Variants in COX7B2 observed in about 807,000 individuals in gnomAD.
COX7B2 encodes the protein cytochrome c oxidase subunit 7B2.
For synonymous variants in COX7B2, 37 were observed against 32.1 expected (o/e 1.15, Z -0.51); for missense variants, 109 against 95.9 (o/e 1.14, Z -0.57).
intron 2 of COX7B2, among the ~76,000 whole-genome samples, chr4:46,839,979 C>A (rs1040268566): frequency 6.6e-6 from 1 of 152,014 alleles, no homozygotes; most frequent in Non-Finnish European, 1.5e-5. Flanking sequence ...GGAACTGAGA[C>A]AATTGATGCA....
At chr4:46,781,451 C>CCT (rs1195455232) in intron 2 of COX7B2, among the ~76,000 whole-genome samples, 2 of 152,184 alleles carry the variant, frequency 1.3e-5, no homozygotes, top group Non-Finnish European at 2.9e-5. Context: ...TGGTTTCTGC[C>CCT]CTTCTCAAGA....
chr4:46,891,046 CA>C (rs1719403996), intron 1 of COX7B2, among the ~76,000 whole-genome samples: 1 of 152,130 alleles, frequency 6.6e-6, no homozygotes, highest in African/African-American at 2.4e-5. Context: ...TGGTTACATT[CA>C]GAGTAAACTT....
chr4:46,902,971 A>T (rs1398885678), intron 1 of COX7B2, among the ~76,000 whole-genome samples: 1 of 152,222 alleles, frequency 6.6e-6, no homozygotes, highest in Non-Finnish European at 1.5e-5. Flanking sequence ...CTTATCAAAA[A>T]TTATGATAAG....
intron 2 of COX7B2, among the ~76,000 whole-genome samples, chr4:46,806,510 A>G (rs775234194): frequency 4.6e-5 from 7 of 152,092 alleles, no homozygotes; most frequent in Non-Finnish European, 8.8e-5. Context: ...CATATCCACC[A>G]TTTCATATAG....
intron 2 of COX7B2, among the ~76,000 whole-genome samples, chr4:46,735,784 T>C (rs1560340658): frequency 6.6e-6 from 1 of 152,210 alleles, no homozygotes; most frequent in Non-Finnish European, 1.5e-5. Context: ...ATACACCCCT[T>C]TGTCTCTGGG....
At chr4:46,743,032 T>A (rs889648993) in intron 2 of COX7B2, among the ~76,000 whole-genome samples, 2 of 152,146 alleles carry the variant, frequency 1.3e-5, no homozygotes, top group Non-Finnish European at 2.9e-5. Context: ...TACTCACTCT[T>A]TTTCCTTTCT....
intron 1 of COX7B2, among the ~76,000 whole-genome samples, chr4:46,874,348 T>C (rs991327867): frequency 1.3e-5 from 2 of 152,224 alleles, no homozygotes; most frequent in African/African-American, 4.8e-5. Flanking sequence ...GTGTTTTTAG[T>C]CGCAGTGAAG....
chr4:46,743,880 G>T (rs1421986928), intron 2 of COX7B2, among the ~76,000 whole-genome samples: 1 of 152,116 alleles, frequency 6.6e-6, no homozygotes, highest in African/African-American at 2.4e-5. Flanking sequence ...ATTTCCAAAG[G>T]CTTAATGGAT....
chr4:46,876,404 C>CTTTTTTTTTTTT (rs1213695191), intron 1 of COX7B2, among the ~76,000 whole-genome samples: 1 of 128,098 alleles, frequency 7.8e-6, no homozygotes, highest in African/African-American at 2.9e-5. Flanking sequence ...GTCCTATTGT[C>CTTTTTTTTTTTT]TTTTTTTTTT....
rs1418921930 is a variant in COX7B2 at position 46,793,080 on chromosome 4, CTGGCCGACTGTGG to C, written c.-50+51867_-50+51879del. Among the ~76,000 whole-genome samples, 4 of 152,292 alleles carry C rather than the reference CTGGCCGACTGTGG, an allele frequency of 2.6e-5. No homozygotes were observed. In the East Asian group the frequency reaches 7.7e-4, roughly 29 times the overall value. On this transcript the variant is annotated intron_variant, in intron 2 of 2. Transcript: ENST00000355591. The stretch of plus-strand genomic sequence containing the variant: ...TTTAGTTAAAACCTAAGAGGCGCTC[CTGGCCGACTGTGG>C]TCAGGAGAGATTTCTCTTGTAGACT...
chr4:46,793,160 G>A (rs2109591967), intron 2 of COX7B2, among the ~76,000 whole-genome samples: 1 of 152,302 alleles, frequency 6.6e-6, no homozygotes, highest in Non-Finnish European at 1.5e-5. Context: ...CTTATCAGAA[G>A]TTTGGAATGT....
chr4:46,737,846 T>G (rs2109390092), intron 2 of COX7B2, among the ~76,000 whole-genome samples: 1 of 152,206 alleles, frequency 6.6e-6, no homozygotes. Context: ...TCAGAAGACT[T>G]TATTCCAACT....
chr4:46,890,651 A>G (rs1462867548), intron 1 of COX7B2, among the ~76,000 whole-genome samples: 1 of 152,224 alleles, frequency 6.6e-6, no homozygotes, highest in Non-Finnish European at 1.5e-5. Flanking sequence ...AAAGAAGTGA[A>G]AGGACAAACC....
intron 2 of COX7B2, among the ~76,000 whole-genome samples, chr4:46,822,877 G>A (rs1165192783): frequency 1.3e-5 from 2 of 152,032 alleles, no homozygotes; most frequent in Non-Finnish European, 2.9e-5. Flanking sequence ...TTTATCTTTA[G>A]ATAACAAAAA....
chr4:46,851,698 T>G (rs1716697223), intron 1 of COX7B2, among the ~76,000 whole-genome samples: 1 of 152,104 alleles, frequency 6.6e-6, no homozygotes, highest in South Asian at 2.1e-4. Context: ...TCTTCCCTTT[T>G]CTTTAATGAC....
chr4:46,855,402 A>G (rs955648574), intron 1 of COX7B2, among the ~76,000 whole-genome samples: 5 of 152,076 alleles, frequency 3.3e-5, no homozygotes, highest in Admixed American at 2.6e-4. Flanking sequence ...TCTTTATTTT[A>G]TATTAGGAGT....
intron 1 of COX7B2, among the ~76,000 whole-genome samples, chr4:46,888,719 T>G (rs1355910197): frequency 6.6e-6 from 1 of 152,198 alleles, no homozygotes; most frequent in Admixed American, 6.5e-5. Context: ...GTGCTGGGAT[T>G]ACAGGCATGA....
chr4:46,737,352 G>A (rs1319851197), intron 2 of COX7B2, among the ~76,000 whole-genome samples: 7 of 151,982 alleles, frequency 4.6e-5, no homozygotes, highest in Non-Finnish European at 1.0e-4. Context: ...TCCTCAATTC[G>A]ATATGGATTT....
intron 2 of COX7B2, among the ~76,000 whole-genome samples, chr4:46,778,250 T>C (rs1322716593): frequency 1.3e-5 from 2 of 152,190 alleles, no homozygotes; most frequent in African/African-American, 2.4e-5. Context: ...AAACTTTTCC[T>C]ATCACTATAA....
Sources: allele counts gnomAD v4.1 joint callset (sites outside exome capture counted in the v4.1 genomes callset), GRCh38; gene constraint gnomAD v4.1.1; transcripts MANE v1.5; gene names NCBI Gene and HGNC (gene_info 2026-07-23, HGNC 2026-07-21).